GLG1: variants seen among roughly 807,000 people sequenced by gnomAD.
GLG1 encodes the protein golgi glycoprotein 1.
GLG1 carries 38 observed loss-of-function variants against 160.5 expected under a neutral mutation model. That is an observed-to-expected ratio of 0.24 (90% CI 0.18 to 0.31). The LOEUF (loss-of-function observed/expected upper bound fraction) is 0.31, where lower values mean the gene tolerates loss of function less well. Among genes scored for constraint, GLG1 ranks in the 10% least tolerant of loss-of-function variants. The probability of loss-of-function intolerance (pLI) is 1.00; values close to 1 mark genes in which losing one functional copy is unlikely to be tolerated. For synonymous variants in GLG1, 644 were observed against 543.4 expected, an observed-to-expected ratio of 1.19 and a Z score of -2.57; for missense variants, 1,373 against 1,505.2, an observed-to-expected ratio of 0.91 and a Z score of 1.45.
intron 2 of GLG1, among the ~76,000 whole-genome samples, chr16:74,516,803 A>C (rs2016992980): frequency 6.6e-6 from 1 of 152,222 alleles, no homozygotes; most frequent in Non-Finnish European, 1.5e-5. Flanking sequence ...AAATAGATAG[A>C]CTGCTAGCAA....
chr16:74,504,269 T>C (rs1402870849), intron 3 of GLG1, among the ~76,000 whole-genome samples: 2 of 152,114 alleles, frequency 1.3e-5, no homozygotes, highest in East Asian at 3.8e-4. Flanking sequence ...AGGTGTAATA[T>C]TACTTCTTGA....
At chr16:74,518,665 AGCAATG>A (rs1166784547) in intron 2 of GLG1, among the ~76,000 whole-genome samples, 3 of 152,242 alleles carry the variant, frequency 2.0e-5, no homozygotes, top group Non-Finnish European at 4.4e-5. Flanking sequence ...TGGCACCAAA[AGCAATG>A]GCAACAAAAA....
At chr16:74,453,873 T>A (rs535683338) in intron 25 of GLG1, among the ~76,000 whole-genome samples, 303 of 129,168 alleles carry the variant, frequency 2.3e-3, no homozygotes, top group African/African-American at 9.4e-3. Context: ...ATTTTGTAAA[T>A]TCTATTTTTT....
At chr16:74,576,896 C>T (rs2019019403) in intron 1 of GLG1, among the ~76,000 whole-genome samples, 1 of 151,060 alleles carries the variant, frequency 6.6e-6, no homozygotes, top group Non-Finnish European at 1.5e-5. Flanking sequence ...AAACCATGTA[C>T]CCTGCATATA....
chr16:74,525,893 T>G (rs957593284), intron 2 of GLG1, among the ~76,000 whole-genome samples: 4 of 152,100 alleles, frequency 2.6e-5, no homozygotes, highest in African/African-American at 9.7e-5. Flanking sequence ...CAGTGGCTCA[T>G]GCCTGTAATC....
chr16:74,604,777 G>A (rs1277363348), intron 1 of GLG1, among the ~76,000 whole-genome samples: 1 of 152,106 alleles, frequency 6.6e-6, no homozygotes, highest in Non-Finnish European at 1.5e-5. Context: ...TAGGGTGGGG[G>A]TGGTGGCTCA....
rs58052490 is a variant in GLG1, at chr16:74,540,060, A to AT, written c.439-7908dup. Among the ~76,000 whole-genome samples the AT allele has an allele frequency of 8.0e-3, 10 of 1,248 alleles. 3 individuals are homozygous for AT. Among genetic ancestry groups the AT allele is most frequent in the Admixed American group, 0.042 (2 of 48 alleles). The allele number at this position is 1,248 out of a possible 152,430, so 0.8% of individuals were successfully genotyped here. Reference sequence around the variant, plus strand: ...TTTATATATATATTATATATATTTTATATATATATATTATATATATTTTAT... The same window carrying AT: ...TTTATATATATATTATATATATTTTATTATATATATATTATATATATTTTAT... On this transcript the variant is annotated intron_variant, in intron 1 of 25. Coordinates refer to ENST00000422840, the MANE Select transcript of GLG1 (RefSeq NM_001145667.2).
In GLG1 at chr16:74,452,462, G is replaced by A. The variant is rs1240522669; in HGVS notation, c.*705C>T. On this transcript the variant is annotated 3_prime_UTR_variant, in exon 26 of 26. Transcript: ENST00000422840. Reference sequence around the variant, plus strand: ...AGGAAGGCTCATGCTTTGCTTCAATGAAGCGAGGAGACCACAGAAATACCC... The same window carrying A: ...AGGAAGGCTCATGCTTTGCTTCAATAAAGCGAGGAGACCACAGAAATACCC... The A allele has an allele frequency of 1.8e-6, 2 of 1,082,926 alleles. No individual in the cohort carries two copies. Among genetic ancestry groups the A allele is most frequent in the African/African-American group, 3.2e-5 (2 of 61,718 alleles). 67.1% of individuals were successfully genotyped at this position (1,082,926 alleles called of 1,614,324 possible).
chr16:74,466,862 GA>G (rs2015018099), intron 18 of GLG1, among the ~76,000 whole-genome samples: 1 of 152,122 alleles, frequency 6.6e-6, no homozygotes, highest in South Asian at 2.1e-4. Context: ...AAGTACCAAA[GA>G]AAAAGTTAAA....
chr16:74,584,992 G>C (rs1386685771), intron 1 of GLG1, among the ~76,000 whole-genome samples: 2 of 152,036 alleles, frequency 1.3e-5, no homozygotes, highest in East Asian at 3.9e-4. Context: ...CAAAATCTCA[G>C]AAATCACCAC....
At chr16:74,537,388 G>A (rs2017715013) in intron 1 of GLG1, among the ~76,000 whole-genome samples, 1 of 151,790 alleles carries the variant, frequency 6.6e-6, no homozygotes, top group Non-Finnish European at 1.5e-5. Flanking sequence ...ACAAAAAACA[G>A]AAAACAAAAA....
chr16:74,516,721 G>C (rs1381380405), intron 2 of GLG1, among the ~76,000 whole-genome samples: 1 of 152,140 alleles, frequency 6.6e-6, no homozygotes, highest in Non-Finnish European at 1.5e-5. Context: ...AGAACTGAAG[G>C]AGACAGAGAC....
chr16:74,550,143 A>G (rs2018158960), intron 1 of GLG1, among the ~76,000 whole-genome samples: 1 of 151,828 alleles, frequency 6.6e-6, no homozygotes, highest in South Asian at 2.1e-4. Context: ...AAGAAAGGGC[A>G]CAGTGGTGGA....
rs148604580 is a variant in GLG1, at chr16:74,477,384, G to C, written c.1965+12C>G. The C allele has an allele frequency of 6.9e-6, 11 of 1,599,614 alleles. No individual in the cohort carries two copies. The highest frequency in any genetic ancestry group is 1.3e-5 in the African/African-American group (1 of 74,752). Reference sequence around the variant, plus strand: ...CATTATTGTAAGACAAACAGAAAGCGATGTCACCTACCTGTCCAGTCTCTG... The same window carrying C: ...CATTATTGTAAGACAAACAGAAAGCCATGTCACCTACCTGTCCAGTCTCTG... On this transcript the variant is annotated intron_variant, in intron 12 of 25. Coordinates refer to ENST00000422840, the MANE Select transcript of GLG1 (RefSeq NM_001145667.2).
At chr16:74,499,293 T>C (rs1420794656) in intron 4 of GLG1, among the ~76,000 whole-genome samples, 1 of 152,134 alleles carries the variant, frequency 6.6e-6, no homozygotes, top group African/African-American at 2.4e-5. Context: ...CAGGCTGGAG[T>C]GCAGTGGAGG....
chr16:74,569,861 C>CAAA, intron 1 of GLG1, among the ~76,000 whole-genome samples: 1 of 76,408 alleles, frequency 1.3e-5, no homozygotes, highest in Admixed American at 1.6e-4. Context: ...AACTCCAACT[C>CAAA]AAAAAAAAAA....
chr16:74,556,089 T>G (rs1212732808), intron 1 of GLG1, among the ~76,000 whole-genome samples: 1 of 152,212 alleles, frequency 6.6e-6, no homozygotes, highest in African/African-American at 2.4e-5. Context: ...TGCTCCCACC[T>G]TAGCCTCTCA....
chr16:74,583,288 C>G (rs772383792), intron 1 of GLG1, among the ~76,000 whole-genome samples: 1 of 152,130 alleles, frequency 6.6e-6, no homozygotes, highest in Admixed American at 6.6e-5. Flanking sequence ...AAGTTTATAT[C>G]CTCTTACTGG....
At chr16:74,595,961 T>C (rs987370712) in intron 1 of GLG1, among the ~76,000 whole-genome samples, 4 of 151,632 alleles carry the variant, frequency 2.6e-5, no homozygotes, top group African/African-American at 9.7e-5. Context: ...CCATCTCTAT[T>C]AAAAATATAA....
Sources: allele counts gnomAD v4.1 joint callset (sites outside exome capture counted in the v4.1 genomes callset), GRCh38; gene constraint gnomAD v4.1.1; transcripts MANE v1.5; gene names NCBI Gene and HGNC (gene_info 2026-07-23, HGNC 2026-07-21).